Variants in ATXN1 observed in about 807,000 individuals in gnomAD.
ATXN1 encodes the protein ataxin 1.
In ATXN1, 8 loss-of-function variants were observed where a neutral mutation model predicts 56.4. That is an observed-to-expected ratio of 0.14 (90% CI 0.08 to 0.26). The LOEUF is 0.26. ATXN1 is among the 10% of genes least tolerant of loss of function. The pLI is 1.00. For synonymous variants in ATXN1, 514 were observed against 494.6 expected (o/e 1.04, Z -0.52); for missense variants, 987 against 1,106.5 (o/e 0.89, Z 1.53).
intron 6 of ATXN1, among the ~76,000 whole-genome samples, chr6:16,344,916 G>A (rs996332440): frequency 2.0e-4 from 31 of 152,144 alleles, no homozygotes; most frequent in African/African-American, 4.1e-4. Flanking sequence ...AGCCACTTCC[G>A]GCTGCTGCAA....
At chr6:16,438,815 A>G (rs986502215) in intron 6 of ATXN1, among the ~76,000 whole-genome samples, 5 of 152,196 alleles carry the variant, frequency 3.3e-5, no homozygotes, top group Non-Finnish European at 7.3e-5. Context: ...AGAATGAAAA[A>G]TAAGGTAGTG....
At chr6:16,376,905 C>T (rs1762151148) in intron 6 of ATXN1, among the ~76,000 whole-genome samples, 1 of 152,228 alleles carries the variant, frequency 6.6e-6, no homozygotes, top group Non-Finnish European at 1.5e-5. Flanking sequence ...ATGCAGAGAG[C>T]TGCAGACATT....
intron 3 of ATXN1, 83 bp from the exon 4 acceptor site, chr6:16,585,990 GA>G (rs997166585): frequency 1.3e-5 from 2 of 151,936 alleles, no homozygotes; most frequent in Admixed American, 1.3e-4. Flanking sequence ...ACAGAAACGG[GA>G]AACATCATAT....
chr6:16,684,016 T>C (rs1758867377), intron 2 of ATXN1, among the ~76,000 whole-genome samples: 1 of 152,174 alleles, frequency 6.6e-6, no homozygotes, highest in Admixed American at 6.5e-5. Context: ...TCATCATTTG[T>C]CTGTGACTCA....
At position 16,327,054 on chromosome 6, in the gene ATXN1, C is replaced by A; in HGVS notation, c.1257G>T (p.Gly419=). The A allele has an allele frequency of 6.2e-7, 1 of 1,614,078 alleles. No homozygotes were observed. The highest frequency in any genetic ancestry group is 2.2e-5 in the East Asian group (1 of 44,876). The change falls in exon 7 of 8, where the codon GGG becomes GGT. Residue 419 remains glycine, a synonymous_variant. Coordinates refer to ENST00000436367, the MANE Select transcript of ATXN1 (RefSeq NM_001128164.2). ...TLNDKSGLHL[G]KPGHRSYALS... Reference sequence around the variant, plus strand: ...GCGCGTAGGACCGGTGGCCAGGCTTCCCTAAATGCAGGCCACTTTTGTCGT... The same window carrying A: ...GCGCGTAGGACCGGTGGCCAGGCTTACCTAAATGCAGGCCACTTTTGTCGT...
intron 6 of ATXN1, among the ~76,000 whole-genome samples, chr6:16,407,357 G>A (rs9477128): frequency 0.29 from 43,485 of 152,142 alleles, 6,497 homozygotes; most frequent in Admixed American, 0.36. Flanking sequence ...ATACTGCTGT[G>A]TCCACCAGTG....
At chr6:16,559,572 A>G (rs1351847373) in intron 4 of ATXN1, among the ~76,000 whole-genome samples, 1 of 152,144 alleles carries the variant, frequency 6.6e-6, no homozygotes, top group Non-Finnish European at 1.5e-5. Context: ...AAAAACCTAT[A>G]TTTTTGCTTA....
intron 6 of ATXN1, among the ~76,000 whole-genome samples, chr6:16,440,043 C>T (rs1471488607): frequency 6.7e-6 from 1 of 148,210 alleles, no homozygotes; most frequent in East Asian, 2.0e-4. Flanking sequence ...CCATTGCACT[C>T]CAGCCTGGGG....
rs535589290 is a variant in ATXN1, at chr6:16,307,471, C to T, written c.1918-612G>A. Among the ~76,000 whole-genome samples, 11 of 151,956 alleles carry T rather than the reference C, an allele frequency of 7.2e-5. No homozygotes were observed. The East Asian group carries it at 2.1e-3, about 30-fold the overall frequency. ...ATCATTTGAGGTCAGGAGTTCAAGA[C>T]CAGCCTGGCCAACATGGGGAAACCC... On this transcript the variant is annotated intron_variant, in intron 7 of 7. Transcript: ENST00000436367.
chr6:16,702,879 T>G (rs917360177), intron 2 of ATXN1, among the ~76,000 whole-genome samples: 46 of 152,286 alleles, frequency 3.0e-4, no homozygotes, highest in African/African-American at 1.1e-3. Flanking sequence ...TTACACTGTT[T>G]GTGGGACTGT....
intron 4 of ATXN1, among the ~76,000 whole-genome samples, chr6:16,550,155 C>CAAAAAAAAAAAAAAAAAAA: frequency 1.1e-5 from 1 of 91,196 alleles, no homozygotes; most frequent in Non-Finnish European, 2.3e-5. Context: ...AAATAAAATA[C>CAAAAAAAAAAAAAAAAAAA]AAAAAAAAAA....
Position 16,445,092 on chromosome 6 carries a change from C to T in ATXN1, c.-161+40880G>A, listed in dbSNP as rs141329200. 1.4e-3 allele frequency among the ~76,000 whole-genome samples: 208 copies of T among 151,924 alleles called. 1 individual carries two copies. The highest frequency in any genetic ancestry group is 4.2e-3 in the African/African-American group (175 of 41,422). On this transcript the variant is annotated intron_variant, in intron 6 of 7. Transcript: ENST00000436367. ...GTAGTGTAAAAGAGGTTTAGGAGAC[C>T]GAAATGACCTTTATTTGGATCTTGG...
At chr6:16,725,426 G>A (rs1759828220) in intron 2 of ATXN1, among the ~76,000 whole-genome samples, 1 of 152,154 alleles carries the variant, frequency 6.6e-6, no homozygotes, top group African/African-American at 2.4e-5. Flanking sequence ...CAACAACATG[G>A]AAATGACTCA....
intron 3 of ATXN1, among the ~76,000 whole-genome samples, chr6:16,593,461 G>A (rs1008915155): frequency 6.6e-5 from 10 of 152,102 alleles, no homozygotes; most frequent in Admixed American, 2.6e-4. Flanking sequence ...TAACATGTAC[G>A]TAACCTGTGA....
chr6:16,732,835 CAT>C (rs1760021708), intron 2 of ATXN1, among the ~76,000 whole-genome samples: 1 of 152,180 alleles, frequency 6.6e-6, no homozygotes, highest in Non-Finnish European at 1.5e-5. Flanking sequence ...AGCTTCATTA[CAT>C]GTTTTTGTAA....
chr6:16,633,220 C>A (rs1464208462), intron 3 of ATXN1, among the ~76,000 whole-genome samples: 1 of 152,126 alleles, frequency 6.6e-6, no homozygotes, highest in Non-Finnish European at 1.5e-5. Context: ...TCATAAGATT[C>A]TCTTGTTGGG....
At chr6:16,427,309 T>A (rs1048937455) in intron 6 of ATXN1, among the ~76,000 whole-genome samples, 1 of 152,198 alleles carries the variant, frequency 6.6e-6, no homozygotes, top group African/African-American at 2.4e-5. Context: ...ACTCACTAGA[T>A]GCTGGTAGCT....
At chr6:16,686,430 T>C (rs949396448) in intron 2 of ATXN1, among the ~76,000 whole-genome samples, 13 of 152,188 alleles carry the variant, frequency 8.5e-5, no homozygotes, top group African/African-American at 2.7e-4. Flanking sequence ...CCATCCAATA[T>C]TCCACGAGAC....
chr6:16,532,313 AC>A (rs1761519974), intron 4 of ATXN1, among the ~76,000 whole-genome samples: 1 of 152,228 alleles, frequency 6.6e-6, no homozygotes, highest in Non-Finnish European at 1.5e-5. Context: ...TGCAGCATCC[AC>A]CACTGAACCT....
Sources: allele counts gnomAD v4.1 joint callset (sites outside exome capture counted in the v4.1 genomes callset), GRCh38; gene constraint gnomAD v4.1.1; transcripts MANE v1.5; gene names NCBI Gene and HGNC (gene_info 2026-07-23, HGNC 2026-07-21).